ZNF320: variants seen among roughly 807,000 people sequenced by gnomAD.
The protein encoded by ZNF320 is zinc finger protein 320.
In ZNF320, 2 loss-of-function variants were observed where a neutral mutation model predicts 6.8. The ratio of observed to expected loss-of-function variants is 0.29; its 90% CI spans 0.12 to 0.93. The LOEUF (loss-of-function observed/expected upper bound fraction) is 0.93. ZNF320 is among the 40% of genes least tolerant of loss of function. The pLI is 0.55. For synonymous variants in ZNF320, 208 were observed against 203.2 expected, an observed-to-expected ratio of 1.02 and a Z score of -0.20; for missense variants, 472 against 611.0, an observed-to-expected ratio of 0.77 and a Z score of 2.40.
chr19:52,887,372 C>G (rs1175059172), intron 5 of ZNF320, among the ~76,000 whole-genome samples: 3 of 152,196 alleles, frequency 2.0e-5, no homozygotes, highest in African/African-American at 7.2e-5. Context: ...TGGAGCTTTT[C>G]TAGAGTCCCA....
chr19:52,900,850 C>A (rs979445077), upstream of ZNF320, among the ~76,000 whole-genome samples: 1 of 151,750 alleles, frequency 6.6e-6, no homozygotes, highest in Admixed American at 6.6e-5. Context: ...TTAAGTAGCC[C>A]AAATGACATA....
At chr19:52,869,709 C>CTATT (rs1306306815) in intron 5 of ZNF320, among the ~76,000 whole-genome samples, 10 of 150,990 alleles carry the variant, frequency 6.6e-5, no homozygotes, top group East Asian at 2.0e-4. Context: ...GCTAAATTTT[C>CTATT]TATTTATTTA....
intron 5 of ZNF320, chr19:52,883,628 G>C (rs768680959): frequency 2.2e-6 from 1 of 455,358 alleles, no homozygotes; most frequent in South Asian, 1.6e-5. Context: ...GGCCGGCCAC[G>C]GTGGCACATA....
chr19:52,886,093 C>T (rs1356430536), intron 5 of ZNF320, among the ~76,000 whole-genome samples: 3 of 147,682 alleles, frequency 2.0e-5, no homozygotes, highest in Admixed American at 2.0e-4. Flanking sequence ...AAAAGTTCTA[C>T]TGGAGAAGAA....
At chr19:52,883,903 A>G (rs1273315791) in intron 5 of ZNF320, among the ~76,000 whole-genome samples, 1 of 152,224 alleles carries the variant, frequency 6.6e-6, no homozygotes, top group Non-Finnish European at 1.5e-5. Context: ...CATCTCAAAA[A>G]AAATAAAATA....
At chr19:52,889,643 C>G (rs760026219) in intron 4 of ZNF320, among the ~76,000 whole-genome samples, 2 of 152,122 alleles carry the variant, frequency 1.3e-5, no homozygotes, top group Non-Finnish European at 1.5e-5. Flanking sequence ...TCTAACGAAT[C>G]TCCTGCTATT....
rs563983246 is a variant in ZNF320, at chr19:52,882,911, A to C, written c.143-928T>G. Among the ~76,000 whole-genome samples, 3 of 152,126 alleles carry C rather than the reference A, an allele frequency of 2.0e-5. No homozygotes were observed. The East Asian group carries it at 5.9e-4, about 30-fold the overall frequency. ...AGCTGAGATCACACCATTGCACTCC[A>C]CCTTGGGTGACAGAGTGAGACTCCG... is the stretch of plus-strand genomic sequence containing the variant. On this transcript the variant is annotated intron_variant, in intron 5 of 5. Transcript: ENST00000682928.
At chr19:52,900,986 T>G (rs1277988931), upstream of ZNF320, among the ~76,000 whole-genome samples, 1 of 152,148 alleles carries the variant, frequency 6.6e-6, no homozygotes, top group Non-Finnish European at 1.5e-5. Flanking sequence ...TTACTATCAA[T>G]AGTGGCACAA....
chr19:52,888,617 A>G (rs10421270), intron 4 of ZNF320, among the ~76,000 whole-genome samples: 61,436 of 97,244 alleles, frequency 0.63, 21,648 homozygotes, highest in African/African-American at 0.69. Context: ...GCAACAAAGC[A>G]AGACTCTCTC....
chr19:52,872,940 G>A (rs562198292), downstream of ZNF320, among the ~76,000 whole-genome samples: 12 of 152,264 alleles, frequency 7.9e-5, no homozygotes, highest in Non-Finnish European at 1.5e-4. Context: ...TTAAGGAAAT[G>A]TGCTCTGCCT....
exon 6 of ZNF320, among the ~76,000 whole-genome samples, chr19:52,863,526 C>A (rs911285706): frequency 1.3e-5 from 2 of 150,950 alleles, no homozygotes; most frequent in African/African-American, 2.4e-5. Context: ...GAACTGGGAC[C>A]TGGGAGGCAG....
upstream of ZNF320, among the ~76,000 whole-genome samples, chr19:52,898,671 CA>C (rs1289959421): frequency 6.6e-6 from 1 of 152,160 alleles, no homozygotes; most frequent in African/African-American, 2.4e-5. Flanking sequence ...GGGTTCACAA[CA>C]CTAAAGATTT....
chr19:52,886,994 G>GAAGA, intron 5 of ZNF320, among the ~76,000 whole-genome samples: 1 of 79,686 alleles, frequency 1.3e-5, no homozygotes, highest in Non-Finnish European at 2.9e-5. Flanking sequence ...AGGAAGGAAG[G>GAAGA]AAGGAAGGAA....
At chr19:52,872,111 C>T (rs1312175906), downstream of ZNF320, among the ~76,000 whole-genome samples, 3 of 152,140 alleles carry the variant, frequency 2.0e-5, no homozygotes, top group Admixed American at 1.3e-4. Context: ...CTTGAGCCCA[C>T]GAATTTGAGG....
In ZNF320 at chr19:52,881,107, C is replaced by A; in HGVS notation, c.1019G>T (p.Arg340Leu). ...RCEECDKVFS[R>L]KSHLERHRRI... ...CCTATGTCTTTCAAGATGTGATTTGCGACTGAAAACTTTGTCGCATTCTTC... is the reference window on the plus strand; with the variant it reads ...CCTATGTCTTTCAAGATGTGATTTGAGACTGAAAACTTTGTCGCATTCTTC... Residue 340 changes from arginine to leucine, a missense_variant, in exon 6 of 6, where the codon CGC becomes CTC. Around this residue, in one of 2 missense-constraint regions of ZNF320, gnomAD observed 462 missense variants for 559.7 expected, o/e 0.83. Transcript: ENST00000682928. The A allele has an allele frequency of 6.2e-7, 1 of 1,613,840 alleles. No individual in the cohort carries two copies. Among genetic ancestry groups the A allele is most frequent in the South Asian group, 1.1e-5 (1 of 91,070 alleles).
At chr19:52,861,036 A>G (rs2063484459) in exon 6 of ZNF320, among the ~76,000 whole-genome samples, 1 of 151,232 alleles carries the variant, frequency 6.6e-6, no homozygotes, top group South Asian at 2.1e-4. Context: ...AACAAAACAA[A>G]AACGAAAACT....
At chr19:52,875,382 T>C (rs1568702105), downstream of ZNF320, among the ~76,000 whole-genome samples, 1 of 152,176 alleles carries the variant, frequency 6.6e-6, no homozygotes, top group Non-Finnish European at 1.5e-5. Flanking sequence ...GTAGGTGGGT[T>C]AAAGCTGTGA....
rs139675010 is a variant in ZNF320, at chr19:52,864,417, T to C, written c.224-258A>G. 5.3e-3 allele frequency among the ~76,000 whole-genome samples: 800 copies of C among 152,294 alleles called. 9 individuals are homozygous for C. Among genetic ancestry groups the C allele is most frequent in the African/African-American group, 0.016 (681 of 41,568 alleles). On this transcript the variant is annotated intron_variant, in intron 5 of 5. Coordinates refer to the ZNF320 transcript ENST00000673631. ...TTCTCTATAAATACGTTAGATATTATGTTCAGCCTAACACTTGATATTCAT... is the reference window on the plus strand; with the variant it reads ...TTCTCTATAAATACGTTAGATATTACGTTCAGCCTAACACTTGATATTCAT...
intron 5 of ZNF320, among the ~76,000 whole-genome samples, chr19:52,868,459 T>C (rs557816662): frequency 1.3e-5 from 2 of 151,572 alleles, no homozygotes; most frequent in South Asian, 4.2e-4. Context: ...TGAGCTCGGA[T>C]TGCGCCACTG....
Sources: allele counts gnomAD v4.1 joint callset (sites outside exome capture counted in the v4.1 genomes callset), GRCh38; gene constraint gnomAD v4.1.1; regional missense constraint gnomAD v4.1.1; transcripts MANE v1.5; gene names NCBI Gene and HGNC (gene_info 2026-07-23, HGNC 2026-07-21).